The following DMD variants were observed in gnomAD, a reference collection of about 807,000 sequenced individuals.
DMD encodes the protein mutant dystrophin.
A neutral mutation model predicts 330.1 loss-of-function variants in DMD; 63 were observed. The observed-to-expected ratio is 0.19, with a 90% confidence interval of 0.16 to 0.24. DMD has a LOEUF of 0.24. Ranked by LOEUF, DMD falls within the 10% of genes least tolerant of loss-of-function variation. The probability of loss-of-function intolerance (pLI) is 1.00; values close to 1 mark genes in which losing one functional copy is unlikely to be tolerated. For missense variants in DMD, 3,344 were observed against 2,684.1 expected (o/e 1.25, Z -5.43); for synonymous variants, 1,223 against 959.8 (o/e 1.27, Z -5.07).
At chrX:31,343,582 AGTGTGT>A (rs56312485) in intron 61 of DMD, among the ~76,000 whole-genome samples, 2,746 of 87,583 alleles carry the variant, frequency 0.031, 48 homozygotes, top group African/African-American at 0.067. Flanking sequence ...TCCAAAGGGG[AGTGTGT>A]GTGTGTGTGT....
At chrX:32,418,486 A>G (rs755939637) in intron 29 of DMD, among the ~76,000 whole-genome samples, 1 of 111,847 alleles carries the variant, frequency 8.9e-6, no homozygotes, top group Non-Finnish European at 1.9e-5. Flanking sequence ...TGCATGTTTT[A>G]TATCCGTCTA....
chrX:31,943,878 T>TGAGA (rs536982335), intron 45 of DMD, among the ~76,000 whole-genome samples: 4,140 of 74,191 alleles, frequency 0.056, 260 homozygotes, highest in Middle Eastern at 0.065. Context: ...CCCCAGAGAG[T>TGAGA]GAGAGAGAGA....
intron 43 of DMD, among the ~76,000 whole-genome samples, chrX:32,239,172 T>C (rs917087098): frequency 5.4e-5 from 6 of 111,364 alleles, no homozygotes; most frequent in African/African-American, 1.6e-4. Context: ...TCTCCGTACA[T>C]TGTCAAACGT....
At chrX:32,702,505 T>C (rs1438202123) in intron 7 of DMD, among the ~76,000 whole-genome samples, 2 of 111,219 alleles carry the variant, frequency 1.8e-5, no homozygotes, top group Non-Finnish European at 1.9e-5. Flanking sequence ...AACTGGTAGA[T>C]TGTACATAGA....
intron 36 of DMD, among the ~76,000 whole-genome samples, chrX:32,364,178 C>CA (rs1472782536): frequency 9.0e-6 from 1 of 111,526 alleles, no homozygotes; most frequent in Non-Finnish European, 1.9e-5. Flanking sequence ...ATGGCATAGG[C>CA]AAAAAAATCA....
chrX:32,812,086 T>C (rs1265047787), intron 6 of DMD, among the ~76,000 whole-genome samples: 7 of 111,125 alleles, frequency 6.3e-5, no homozygotes, highest in African/African-American at 2.0e-4. Flanking sequence ...CTGGAAGTCA[T>C]TAGTCAAGTG....
chrX:31,496,781 G>A lies in DMD; in HGVS notation c.8547+7C>T. 5 of 1,211,877 alleles carry A rather than the reference G, an allele frequency of 4.1e-6. No individual in the cohort carries two copies. In the South Asian group the frequency reaches 5.3e-5, roughly 13 times the overall value. ...TGTGCAAGGCACGAGGCTTAAAAAT[G>A]TCCTACCCTATGTACATCGTTCTGC... On this transcript the variant is annotated splice_region_variant and intron_variant, in intron 57 of 78. Transcript: ENST00000357033.
intron 55 of DMD, among the ~76,000 whole-genome samples, chrX:31,526,226 T>A (rs1185573277): frequency 8.9e-6 from 1 of 112,578 alleles, no homozygotes; most frequent in Non-Finnish European, 1.9e-5. Flanking sequence ...CTGTTTTTCA[T>A]CAGCTTTGAC....
intron 60 of DMD, among the ~76,000 whole-genome samples, chrX:31,431,181 TA>T (rs1384088148): frequency 1.8e-5 from 2 of 111,001 alleles, no homozygotes; most frequent in Non-Finnish European, 3.8e-5. Flanking sequence ...AAAAAGATAG[TA>T]TATTAAAAGG....
intron 55 of DMD, among the ~76,000 whole-genome samples, chrX:31,606,136 C>A (rs1228959879): frequency 9.0e-6 from 1 of 111,320 alleles, no homozygotes; most frequent in African/African-American, 3.3e-5. Context: ...TCGCTGGGCG[C>A]TTCTCCTTCC....
intron 1 of DMD, among the ~76,000 whole-genome samples, chrX:33,181,341 A>T: frequency 9.7e-6 from 1 of 102,935 alleles, no homozygotes; most frequent in Non-Finnish European, 1.9e-5. Flanking sequence ...GGCCAGATAA[A>T]ACTATAAAAA....
At position 32,757,368 on chromosome X, in the gene DMD, A is replaced by C. The variant is rs1216995619; in HGVS notation, c.649+52125T>G. ...GAAAATGTTGAGACATACACATTCT[A>C]TCTAGTTTTAGCCCAACTTTCAAGG... On this transcript the variant is annotated intron_variant, in intron 7 of 78. Transcript: ENST00000357033. Among the ~76,000 whole-genome samples, 4 of 111,476 alleles carry C rather than the reference A, an allele frequency of 3.6e-5. No homozygotes were observed. The East Asian group carries it at 1.1e-3, about 32-fold the overall frequency.
intron 60 of DMD, among the ~76,000 whole-genome samples, chrX:31,399,675 A>C (rs775987580): frequency 9.0e-6 from 1 of 111,273 alleles, no homozygotes; most frequent in African/African-American, 3.3e-5. Context: ...GCTATAGAAG[A>C]TTTTTTTAAT....
chrX:32,730,473 G>C (rs911494121), intron 7 of DMD, among the ~76,000 whole-genome samples: 2 of 112,389 alleles, frequency 1.8e-5, no homozygotes, highest in East Asian at 2.8e-4. Flanking sequence ...TTATGAAAAA[G>C]AGTACTTCAA....
intron 50 of DMD, among the ~76,000 whole-genome samples, chrX:31,800,158 C>A (rs955695868): frequency 8.9e-6 from 1 of 112,652 alleles, no homozygotes; most frequent in East Asian, 2.8e-4. Flanking sequence ...AGGCAGTGCC[C>A]CAGTGGGGAC....
At chrX:33,161,656 T>G (rs188339277) in intron 1 of DMD, among the ~76,000 whole-genome samples, 1 of 110,997 alleles carries the variant, frequency 9.0e-6, no homozygotes, top group Admixed American at 9.7e-5. Context: ...AATTCCTCCT[T>G]CCCATCTCAC....
intron 1 of DMD, among the ~76,000 whole-genome samples, chrX:33,259,947 T>C (rs1424067869): frequency 9.0e-6 from 1 of 110,991 alleles, no homozygotes; most frequent in Non-Finnish European, 1.9e-5. Flanking sequence ...CATGTACCTG[T>C]TCATTCATTC....
At chrX:33,007,125 C>A (rs186296848) in intron 2 of DMD, among the ~76,000 whole-genome samples, 1 of 111,052 alleles carries the variant, frequency 9.0e-6, no homozygotes, top group East Asian at 2.9e-4. Flanking sequence ...TTCTAACTTA[C>A]ATTATTTCTG....
chrX:33,330,571 A>G (rs751677095), intron 1 of DMD, among the ~76,000 whole-genome samples: 3 of 111,885 alleles, frequency 2.7e-5, no homozygotes, highest in South Asian at 3.7e-4. Context: ...TACATAAACT[A>G]CCAATGGGAG....
Sources: allele counts gnomAD v4.1 joint callset (sites outside exome capture counted in the v4.1 genomes callset), GRCh38; gene constraint gnomAD v4.1.1; transcripts MANE v1.5; gene names NCBI Gene and HGNC (gene_info 2026-07-23, HGNC 2026-07-21).